The following CNTNAP2 variants were observed in gnomAD, a reference collection of about 807,000 sequenced individuals.
The protein encoded by CNTNAP2 is contactin-associated protein-like 2.
A neutral mutation model predicts 155.2 loss-of-function variants in CNTNAP2; 98 were observed. The observed-to-expected ratio is 0.63, with a 90% CI of 0.54 to 0.75. The LOEUF (loss-of-function observed/expected upper bound fraction) is 0.75. Ranked by LOEUF, CNTNAP2 falls within the 30% of genes least tolerant of loss-of-function variation. CNTNAP2 has a pLI of 0.00. For synonymous variants in CNTNAP2, 651 were observed against 631.2 expected, an observed-to-expected ratio of 1.03 and a Z score of -0.47; for missense variants, 1,727 against 1,688.1, an observed-to-expected ratio of 1.02 and a Z score of -0.40.
chr7:147,796,795 C>T (rs115130069), intron 13 of CNTNAP2, among the ~76,000 whole-genome samples: 2,045 of 152,216 alleles, frequency 0.013, 41 homozygotes, highest in African/African-American at 0.046. Flanking sequence ...GTAAAAGCTT[C>T]GTGCTGATGC....
rs75891420 is a variant in CNTNAP2 at position 147,275,951 on chromosome 7, T to C, written c.1349-24190T>C. ...GGTTTTTTTTTAATTGTTTATGTGG[T>C]GAATCACATTTACTGGTTTGCATAG... On this transcript the variant is annotated intron_variant, in intron 8 of 23. Transcript: ENST00000361727. Among the ~76,000 whole-genome samples, 1,181 of 152,104 alleles carry C rather than the reference T, an allele frequency of 7.8e-3. 48 individuals carry two copies. The East Asian group carries it at 0.11, about 14-fold the overall frequency.
chr7:146,935,140 C>G (rs920146578), intron 3 of CNTNAP2, among the ~76,000 whole-genome samples: 1 of 152,138 alleles, frequency 6.6e-6, no homozygotes, highest in Non-Finnish European at 1.5e-5. Flanking sequence ...GGAAGTTTCT[C>G]CTCAGAAGAA....
At chr7:147,070,263 T>C (rs1203740654) in intron 4 of CNTNAP2, among the ~76,000 whole-genome samples, 1 of 152,174 alleles carries the variant, frequency 6.6e-6, no homozygotes, top group Non-Finnish European at 1.5e-5. Context: ...GTGGAATCTT[T>C]TGAGGGGGAC....
At chr7:147,254,097 G>C (rs188040433) in intron 8 of CNTNAP2, among the ~76,000 whole-genome samples, 2 of 152,018 alleles carry the variant, frequency 1.3e-5, no homozygotes, top group Non-Finnish European at 2.9e-5. Flanking sequence ...GATTTCTGTG[G>C]TGAGTTCCCT....
At chr7:147,083,260 G>A (rs1800176140) in intron 4 of CNTNAP2, 1 of 151,952 alleles carries the variant, frequency 6.6e-6, no homozygotes, top group Admixed American at 6.6e-5. Flanking sequence ...CAACAAAGAG[G>A]AAATGGATGT....
intron 8 of CNTNAP2, among the ~76,000 whole-genome samples, chr7:147,148,115 G>A (rs1801743466): frequency 6.6e-6 from 1 of 151,974 alleles, no homozygotes; most frequent in Non-Finnish European, 1.5e-5. Context: ...TGGGGGCCGG[G>A]CGCGGTGGCT....
chr7:146,143,050 C>T (rs1282106036), intron 1 of CNTNAP2, among the ~76,000 whole-genome samples: 2 of 152,056 alleles, frequency 1.3e-5, no homozygotes, highest in Non-Finnish European at 2.9e-5. Context: ...AAATCCAGAG[C>T]CATGAAGTTA....
intron 8 of CNTNAP2, among the ~76,000 whole-genome samples, chr7:147,178,305 T>A (rs149522137): frequency 0.011 from 1,604 of 152,260 alleles, 13 homozygotes; most frequent in Non-Finnish European, 0.016. Context: ...GGACTCAGTC[T>A]GTTACTGCTG....
chr7:147,830,248 A>C (rs1584978592), intron 13 of CNTNAP2, among the ~76,000 whole-genome samples: 1 of 151,530 alleles, frequency 6.6e-6, no homozygotes, highest in South Asian at 2.1e-4. Flanking sequence ...GAAGTCCAAG[A>C]CCTGCCAAGG....
At chr7:147,264,694 CA>C (rs1272317280) in intron 8 of CNTNAP2, among the ~76,000 whole-genome samples, 4 of 151,326 alleles carry the variant, frequency 2.6e-5, no homozygotes, top group Non-Finnish European at 4.4e-5. Context: ...ACCTTTATAC[CA>C]GCAGCCACAA....
intron 11 of CNTNAP2, among the ~76,000 whole-genome samples, chr7:147,497,339 C>T (rs11764485): frequency 0.29 from 43,532 of 152,022 alleles, 6,367 homozygotes; most frequent in East Asian, 0.43. Context: ...CTTGGCATCA[C>T]GGATGCCACC....
chr7:146,196,450 T>C (rs1303172847), intron 1 of CNTNAP2, among the ~76,000 whole-genome samples: 1 of 151,986 alleles, frequency 6.6e-6, no homozygotes, highest in African/African-American at 2.4e-5. Flanking sequence ...AGTGGAGGAT[T>C]AGTTACAGTT....
intron 1 of CNTNAP2, among the ~76,000 whole-genome samples, chr7:146,219,116 G>A (rs548808633): frequency 1.6e-4 from 24 of 152,176 alleles, no homozygotes; most frequent in Non-Finnish European, 2.4e-4. Context: ...AAAGTTCAGG[G>A]GAAATTGCCA....
intron 4 of CNTNAP2, among the ~76,000 whole-genome samples, chr7:147,050,395 G>T (rs1353214536): frequency 6.6e-6 from 1 of 152,168 alleles, no homozygotes; most frequent in Non-Finnish European, 1.5e-5. Context: ...AGTAAGGACG[G>T]CACCTTGGGA....
intron 1 of CNTNAP2, among the ~76,000 whole-genome samples, chr7:146,209,249 G>A (rs1041395559): frequency 1.7e-4 from 26 of 152,272 alleles, no homozygotes; most frequent in Non-Finnish European, 2.4e-4. Context: ...AGACAGGTAG[G>A]CTACCTCACT....
At chr7:147,829,696 A>G (rs774362872) in intron 13 of CNTNAP2, among the ~76,000 whole-genome samples, 38 of 152,200 alleles carry the variant, frequency 2.5e-4, no homozygotes, top group Admixed American at 4.6e-4. Flanking sequence ...ACTACTTTCC[A>G]GTGTTAAATG....
intron 1 of CNTNAP2, among the ~76,000 whole-genome samples, chr7:146,312,375 T>C (rs1444877835): frequency 6.6e-6 from 1 of 152,170 alleles, no homozygotes; most frequent in African/African-American, 2.4e-5. Context: ...CTTTGCAACA[T>C]AGCTTCATTT....
Position 146,148,990 on chromosome 7 carries a change from T to C in CNTNAP2, c.97+32017T>C, listed in dbSNP as rs1009817191. Among the ~76,000 whole-genome samples the C allele has an allele frequency of 4.9e-4, 74 of 150,750 alleles. 1 individual carries two copies. The highest frequency in any genetic ancestry group is 1.9e-4 in the Non-Finnish European group (13 of 67,710). ...TGGGGGAATTGAACAATGAGAACAC[T>C]TGGACACAGGAAGGGGAACATCACA... On this transcript the variant is annotated intron_variant, in intron 1 of 23. Coordinates refer to ENST00000361727, the MANE Select transcript of CNTNAP2 (RefSeq NM_014141.6).
intron 9 of CNTNAP2, among the ~76,000 whole-genome samples, chr7:147,341,590 G>A (rs1795764571): frequency 6.6e-6 from 1 of 151,966 alleles, no homozygotes; most frequent in African/African-American, 2.4e-5. Context: ...AAGAGCCTGA[G>A]GTTTTAGAAT....
Sources: allele counts gnomAD v4.1 joint callset (sites outside exome capture counted in the v4.1 genomes callset), GRCh38; gene constraint gnomAD v4.1.1; transcripts MANE v1.5; gene names NCBI Gene and HGNC (gene_info 2026-07-23, HGNC 2026-07-21).